LAMC2: variants seen among roughly 807,000 people sequenced by gnomAD.
LAMC2 encodes the protein laminin subunit gamma 2.
In LAMC2, 97 loss-of-function variants were observed where a neutral mutation model predicts 140.2. The observed-to-expected ratio is 0.69, with a 90% confidence interval of 0.59 to 0.82. The LOEUF is 0.82. Among genes scored for constraint, LAMC2 ranks in the 40% least tolerant of loss-of-function variants. The probability of loss-of-function intolerance (pLI) is 0.00; values close to 1 mark genes in which losing one functional copy is unlikely to be tolerated. For synonymous variants in LAMC2, 513 were observed against 540.2 expected, an observed-to-expected ratio of 0.95 and a Z score of 0.70; for missense variants, 1,402 against 1,476.1, an observed-to-expected ratio of 0.95 and a Z score of 0.82.
chr1:183,216,885 C>T (rs1321646839), intron 3 of LAMC2, among the ~76,000 whole-genome samples: 1 of 152,222 alleles, frequency 6.6e-6, no homozygotes, highest in African/African-American at 2.4e-5. Context: ...GCGATCCACA[C>T]ACCTGACCTG....
At chr1:183,238,788 A>G (rs1425530848) in intron 19 of LAMC2, among the ~76,000 whole-genome samples, 1 of 152,180 alleles carries the variant, frequency 6.6e-6, no homozygotes, top group Non-Finnish European at 1.5e-5. Context: ...TACTGTACAG[A>G]CATTTTTCCT....
intron 7 of LAMC2, among the ~76,000 whole-genome samples, chr1:183,223,892 A>G (rs1226187663): frequency 6.6e-6 from 1 of 152,162 alleles, no homozygotes; most frequent in Non-Finnish European, 1.5e-5. Context: ...ATCCTGCAGA[A>G]TAGGGATTCT....
chr1:183,254,346 C>T, the LAMC2 span, among the ~76,000 whole-genome samples: 159 of 152,164 alleles, frequency 1.0e-3, no homozygotes, highest in African/African-American at 3.4e-3. Flanking sequence ...AGTAATGTTG[C>T]GCATCTTTTT....
chr1:183,223,481 A>G (rs982324000), intron 7 of LAMC2, among the ~76,000 whole-genome samples, 157 bp downstream of exon 7: 2 of 152,192 alleles, frequency 1.3e-5, no homozygotes, highest in African/African-American at 2.4e-5. Context: ...AAAGGACATG[A>G]TTCCTTCCCT....
At chr1:183,247,529 CA>C (rs371988499), downstream of LAMC2, among the ~76,000 whole-genome samples, 2,386 of 105,868 alleles carry the variant, frequency 0.023, 29 homozygotes, top group East Asian at 0.12. Context: ...AATTTTAAGC[CA>C]AAAAAAAAAA....
chr1:183,224,728 T>A (rs1483344274), intron 7 of LAMC2, among the ~76,000 whole-genome samples: 3 of 151,950 alleles, frequency 2.0e-5, no homozygotes, highest in African/African-American at 7.3e-5. Context: ...CCTGGAATAC[T>A]CGTTCCCACC....
chr1:183,194,684 A>G (rs2102170837), intron 1 of LAMC2, among the ~76,000 whole-genome samples: 1 of 152,322 alleles, frequency 6.6e-6, no homozygotes, highest in African/African-American at 2.4e-5. Flanking sequence ...TCTTTGCTTC[A>G]GGTATTTACC....
intron 1 of LAMC2, among the ~76,000 whole-genome samples, chr1:183,204,396 G>A (rs867443410): frequency 6.6e-6 from 1 of 151,122 alleles, no homozygotes; most frequent in Non-Finnish European, 1.5e-5. Context: ...AGGAGTTTAC[G>A]ACCAGACTGG....
rs1659690789 is a variant in LAMC2 at position 183,228,266 on chromosome 1, G to C, written c.1469-108G>C. The C allele has an allele frequency of 1.4e-6, 2 of 1,461,964 alleles. No individual in the cohort carries two copies. The highest frequency in any genetic ancestry group is 1.9e-6 in the Non-Finnish European group (2 of 1,049,824). 90.6% of individuals were successfully genotyped at this position (1,461,964 alleles called of 1,614,324 possible). A position where few individuals can be genotyped will look rare whatever the true frequency, so the allele number is the denominator to read the frequency against. On this transcript the variant is annotated intron_variant, in intron 10 of 22. Transcript: ENST00000264144. This position sits in a 1 kb window ranked among gnomAD's most constrained non-coding sequence, Gnocchi z 4.3. ...GCTTTGTTCTGGGGTCCCTAGGGAA[G>C]CACATTTCTCTGGCTCTTCTAGAGG... is the stretch of plus-strand genomic sequence containing the variant.
intron 4 of LAMC2, among the ~76,000 whole-genome samples, chr1:183,220,008 A>T (rs1409124275): frequency 1.3e-5 from 2 of 152,254 alleles, no homozygotes; most frequent in African/African-American, 4.8e-5. Flanking sequence ...GAGAGAACAC[A>T]CACAAGGTGC....
Position 183,229,031 on chromosome 1 carries a change from T to C in LAMC2, c.1714+412T>C, listed in dbSNP as rs555154020. Among the ~76,000 whole-genome samples the C allele has an allele frequency of 3.9e-5, 6 of 152,080 alleles. 1 individual carries two copies. In the South Asian group the frequency reaches 1.2e-3, roughly 32 times the overall value. On this transcript the variant is annotated intron_variant, in intron 11 of 22. Coordinates refer to ENST00000264144, the MANE Select transcript of LAMC2 (RefSeq NM_005562.3). The stretch of plus-strand genomic sequence containing the variant: ...GTGGGAAGGGGAGTGGGCTGTAAAA[T>C]AGTTTAAGAGACTCTCTCAGGAAGT...
intron 20 of LAMC2, 115 bp downstream of exon 20, chr1:183,239,678 G>A (rs1571542057): frequency 2.1e-5 from 18 of 837,966 alleles, no homozygotes; most frequent in South Asian, 1.7e-4. Flanking sequence ...CCCTGTTGTG[G>A]CCCATGGGAG....
chr1:183,234,252 A>G, intron 14 of LAMC2, 115 bp from the exon 15 acceptor site: 1 of 761,898 alleles, frequency 1.3e-6, no homozygotes, highest in Non-Finnish European at 2.4e-6. Context: ...AGGGTGTGGA[A>G]CCCTGTGTGG....
chr1:183,187,632 G>A (rs1658196544), intron 1 of LAMC2, among the ~76,000 whole-genome samples: 1 of 152,090 alleles, frequency 6.6e-6, no homozygotes, highest in East Asian at 1.9e-4. Flanking sequence ...GTTTTAAAAA[G>A]TGATAAATAA....
chr1:183,232,529 T>C, intron 13 of LAMC2, 123 bp from the exon 14 acceptor site: 1 of 1,081,242 alleles, frequency 9.2e-7, no homozygotes, highest in South Asian at 1.3e-5. Context: ...AAAAGAATGG[T>C]TGGATGCATT....
At chr1:183,188,776 G>T (rs1171746338) in intron 1 of LAMC2, among the ~76,000 whole-genome samples, 1 of 152,204 alleles carries the variant, frequency 6.6e-6, no homozygotes, top group Non-Finnish European at 1.5e-5. Context: ...AGATAAAGTG[G>T]CATGTGGCCC....
chr1:183,190,460 A>G (rs1658295750), intron 1 of LAMC2, among the ~76,000 whole-genome samples: 2 of 152,004 alleles, frequency 1.3e-5, no homozygotes, highest in South Asian at 4.2e-4. Context: ...TGCAGTTTCA[A>G]GACTGGATCT....
At chr1:183,221,151 T>C (rs1173259861) in intron 5 of LAMC2, among the ~76,000 whole-genome samples, 190 bp downstream of exon 5, 2 of 152,204 alleles carry the variant, frequency 1.3e-5, no homozygotes, top group African/African-American at 4.8e-5. Context: ...CTGAAAATAG[T>C]TCATTCATAC....
chr1:183,207,064 C>T (rs1023835911), intron 1 of LAMC2, among the ~76,000 whole-genome samples: 2 of 152,210 alleles, frequency 1.3e-5, no homozygotes, highest in African/African-American at 2.4e-5. Context: ...GAAGAAAAAA[C>T]AAGATTCAGA....
Sources: allele counts gnomAD v4.1 joint callset (sites outside exome capture counted in the v4.1 genomes callset), GRCh38; gene constraint gnomAD v4.1.1; non-coding constraint Gnocchi (gnomAD v3.1); transcripts MANE v1.5; gene names NCBI Gene and HGNC (gene_info 2026-07-23, HGNC 2026-07-21).